The following ASB7 variants were observed in gnomAD, a reference collection of about 807,000 sequenced individuals.
ASB7 encodes ankyrin repeat and SOCS box containing 7.
Under a neutral mutation model 32.5 loss-of-function variants are expected in ASB7, and 4 were observed. The ratio of observed to expected loss-of-function variants is 0.12; its 90% CI spans 0.06 to 0.28. The LOEUF is 0.28. Ranked by LOEUF, ASB7 falls within the 10% of genes least tolerant of loss-of-function variation. The pLI, the probability that ASB7 is intolerant of heterozygous loss-of-function variation, is 1.00. For missense variants in ASB7, 181 were observed against 407.1 expected, an observed-to-expected ratio of 0.44 and a Z score of 4.78; for synonymous variants, 172 against 155.6, an observed-to-expected ratio of 1.11 and a Z score of -0.78.
chr15:100,613,410 A>C (rs1214796263), intron 4 of ASB7, among the ~76,000 whole-genome samples: 1 of 152,242 alleles, frequency 6.6e-6, no homozygotes, highest in Non-Finnish European at 1.5e-5. Flanking sequence ...GCATGCTAAC[A>C]CTGAGACTAG....
chr15:100,637,833 A>C (rs553473409), intron 5 of ASB7, among the ~76,000 whole-genome samples: 1 of 152,244 alleles, frequency 6.6e-6, no homozygotes, highest in Non-Finnish European at 1.5e-5. Flanking sequence ...GTAACAGATG[A>C]AATGCAGAAG....
At position 100,632,952 on chromosome 15, in the gene ASB7, G is replaced by T. The variant is rs2039894917; in HGVS notation, c.817+2910G>T. Reference sequence around the variant, plus strand: ...GCTGAGTAGGGGGAGAGGCCATGAAGAGCTGCTGTTGCTGTTCCCTACAGC... The same window carrying T: ...GCTGAGTAGGGGGAGAGGCCATGAATAGCTGCTGTTGCTGTTCCCTACAGC... On this transcript the variant is annotated intron_variant, in intron 5 of 5. Transcript: ENST00000332783. 2.0e-5 allele frequency among the ~76,000 whole-genome samples: 3 copies of T among 151,518 alleles called. No individual in the cohort carries two copies. In the South Asian group the frequency reaches 6.3e-4, roughly 32 times the overall value.
At chr15:100,632,668 G>A (rs751003456) in intron 5 of ASB7, among the ~76,000 whole-genome samples, 4 of 152,130 alleles carry the variant, frequency 2.6e-5, no homozygotes, top group African/African-American at 4.8e-5. Flanking sequence ...GCAGACTGCC[G>A]AGGTATAAGG....
At chr15:100,608,549 C>T (rs1363061054) in intron 2 of ASB7, among the ~76,000 whole-genome samples, 1 of 152,146 alleles carries the variant, frequency 6.6e-6, no homozygotes, top group African/African-American at 2.4e-5. Flanking sequence ...TTTGACCTCC[C>T]CCACCGTGGT....
At chr15:100,612,808 G>A (rs1000638697) in intron 4 of ASB7, among the ~76,000 whole-genome samples, 3 of 152,132 alleles carry the variant, frequency 2.0e-5, no homozygotes. Context: ...CGTATAGACC[G>A]AGCACCAGTC....
chr15:100,626,369 G>T (rs2039837126), intron 4 of ASB7, among the ~76,000 whole-genome samples: 1 of 152,160 alleles, frequency 6.6e-6, no homozygotes, highest in Non-Finnish European at 1.5e-5. Context: ...AGTATAACTA[G>T]TTATTAGGGA....
intron 5 of ASB7, among the ~76,000 whole-genome samples, chr15:100,641,646 T>C (rs549669594): frequency 6.6e-6 from 1 of 152,402 alleles, no homozygotes; most frequent in South Asian, 2.1e-4. Context: ...TTCCCACTAA[T>C]GGGTTTCCAG....
intron 3 of ASB7, among the ~76,000 whole-genome samples, chr15:100,611,473 T>G (rs937743398): frequency 7.5e-5 from 10 of 133,526 alleles, no homozygotes; most frequent in Non-Finnish European, 1.3e-4. Context: ...AATCACCAGA[T>G]TGTTTCGATT....
intron 5 of ASB7, among the ~76,000 whole-genome samples, chr15:100,639,765 T>C (rs1243265972): frequency 2.0e-5 from 3 of 152,240 alleles, no homozygotes; most frequent in Non-Finnish European, 2.9e-5. Flanking sequence ...TACACAATTT[T>C]TGGTCAAATT....
chr15:100,638,065 A>G (rs998120953), intron 5 of ASB7, among the ~76,000 whole-genome samples: 5 of 152,080 alleles, frequency 3.3e-5, no homozygotes, highest in African/African-American at 4.8e-5. Context: ...GTAAATATAG[A>G]TAAGTATAAC....
At chr15:100,606,876 C>G (rs774367302) in intron 2 of ASB7, among the ~76,000 whole-genome samples, 1 of 152,060 alleles carries the variant, frequency 6.6e-6, no homozygotes, top group Non-Finnish European at 1.5e-5. Flanking sequence ...ACCTCCTGGC[C>G]GGGCGCGGTG....
At chr15:100,616,379 T>C (rs533247490) in intron 4 of ASB7, among the ~76,000 whole-genome samples, 1 of 152,360 alleles carries the variant, frequency 6.6e-6, no homozygotes, top group South Asian at 2.1e-4. Flanking sequence ...TGGTTTTCTT[T>C]AGCCTTATCG....
chr15:100,609,501 A>G (rs549330029), intron 2 of ASB7: 2 of 152,314 alleles, frequency 1.3e-5, no homozygotes, highest in East Asian at 1.9e-4. Context: ...TTTGGGGGGA[A>G]AAGCCTGAAA....
intron 4 of ASB7, among the ~76,000 whole-genome samples, chr15:100,625,345 G>T (rs2039828708): frequency 6.6e-6 from 1 of 152,160 alleles, no homozygotes; most frequent in African/African-American, 2.4e-5. Context: ...AACTACAAAT[G>T]TGTTCTAGAA....
intron 4 of ASB7, among the ~76,000 whole-genome samples, chr15:100,625,511 T>G (rs1216913097): frequency 6.6e-6 from 1 of 152,190 alleles, no homozygotes; most frequent in Non-Finnish European, 1.5e-5. Context: ...ACAAAAGATA[T>G]GCATGACGTA....
chr15:100,605,099 T>C (rs949069293), intron 2 of ASB7, among the ~76,000 whole-genome samples: 1 of 152,258 alleles, frequency 6.6e-6, no homozygotes, highest in African/African-American at 2.4e-5. Context: ...CAGTTCATTC[T>C]CATTGCTTAA....
chr15:100,632,980 G>C (rs1218363434), intron 5 of ASB7, among the ~76,000 whole-genome samples: 1 of 151,790 alleles, frequency 6.6e-6, no homozygotes, highest in Non-Finnish European at 1.5e-5. Flanking sequence ...CCTACAGCCA[G>C]CCCGCTGTCC....
At chr15:100,644,108 C>T (rs1428085267) in intron 5 of ASB7, among the ~76,000 whole-genome samples, 1 of 152,090 alleles carries the variant, frequency 6.6e-6, no homozygotes, top group Non-Finnish European at 1.5e-5. Flanking sequence ...GTTAGCTGGG[C>T]GTGGTGGCAC....
rs374479384 is a variant in ASB7 at position 100,629,573 on chromosome 15, C to T, written c.348C>T (p.Asp116=). The change falls in exon 5 of 6, where the codon GAC becomes GAT. Residue 116 remains aspartate, a synonymous_variant. Coordinates refer to ENST00000332783, the MANE Select transcript of ASB7 (RefSeq NM_198243.3). This position sits in a 1 kb window ranked among gnomAD's most constrained non-coding sequence, Gnocchi z 6.8. ...RSDIINAKSN[D]GWTPLHVAAH... ...ACATCATTAATGCAAAAAGCAATGACGGCTGGACTCCCCTCCATGTGGCTG... is the reference window on the plus strand; with the variant it reads ...ACATCATTAATGCAAAAAGCAATGATGGCTGGACTCCCCTCCATGTGGCTG... The T allele has an allele frequency of 5.5e-5, 89 of 1,614,184 alleles. No homozygotes were observed. In the African/African-American group the frequency reaches 5.6e-4, roughly 10 times the overall value.
Sources: gnomAD v4.1 joint callset for allele counts (sites outside exome capture counted in the v4.1 genomes callset) on GRCh38, gnomAD v4.1.1 for gene constraint, Gnocchi (gnomAD v3.1) non-coding constraint, MANE v1.5 for transcripts, NCBI Gene and HGNC (gene_info 2026-07-23, HGNC 2026-07-21) for gene names.